NEURL1B: variants seen among roughly 807,000 people sequenced by gnomAD.
NEURL1B encodes neuralized E3 ubiquitin protein ligase 1B.
A neutral mutation model predicts 37.4 loss-of-function variants in NEURL1B; 13 were observed. The ratio of observed to expected loss-of-function variants is 0.35; its 90% CI spans 0.23 to 0.55. NEURL1B has a LOEUF of 0.55. Among genes scored for constraint, NEURL1B ranks in the 20% least tolerant of loss-of-function variants. The pLI is 0.89. For synonymous variants in NEURL1B, 432 were observed against 426.6 expected (o/e 1.01, Z -0.16); for missense variants, 790 against 879.2 (o/e 0.90, Z 1.28).
At chr5:172,660,646 C>T (rs1340718233) in intron 1 of NEURL1B, among the ~76,000 whole-genome samples, 1 of 152,092 alleles carries the variant, frequency 6.6e-6, no homozygotes, top group African/African-American at 2.4e-5. Flanking sequence ...TTTCTTTTCT[C>T]TTTATTTTTT....
rs1758230930 is a variant in NEURL1B, at chr5:172,676,224, G to A, written c.577+5894G>A. Among the ~76,000 whole-genome samples, 1 of 151,626 alleles carries A rather than the reference G, an allele frequency of 6.6e-6. No homozygotes were observed. The highest frequency in any genetic ancestry group is 6.6e-5 in the Admixed American group (1 of 15,244). ...AATTCCTGGGAATGGTTGCCTTTAA[G>A]CCTGGCTCAATGCGGGGACCCAAAG... On this transcript the variant is annotated intron_variant, in intron 2 of 4. Coordinates refer to ENST00000369800, the MANE Select transcript of NEURL1B (RefSeq NM_001142651.3). This position sits in a 1 kb window ranked among gnomAD's most constrained non-coding sequence, Gnocchi z 4.5.
chr5:172,681,345 T>C (rs1055990924), intron 2 of NEURL1B, among the ~76,000 whole-genome samples: 3 of 152,218 alleles, frequency 2.0e-5, no homozygotes, highest in African/African-American at 7.2e-5. Context: ...ATATTTTGTC[T>C]CTCCATCACT....
At chr5:172,659,862 A>G (rs1380261107) in intron 1 of NEURL1B, among the ~76,000 whole-genome samples, 3 of 151,820 alleles carry the variant, frequency 2.0e-5, no homozygotes, top group African/African-American at 7.3e-5. Context: ...ATCCTTTGTC[A>G]TCCTCCCAGC....
rs576458350 is a variant in NEURL1B at position 172,663,042 on chromosome 5, C to A, written c.32-6743C>A. Among the ~76,000 whole-genome samples the A allele has an allele frequency of 7.0e-4, 65 of 93,428 alleles. No individual in the cohort carries two copies. In the South Asian group the frequency reaches 0.016, roughly 23 times the overall value. The allele number at this position is 93,428 out of a possible 152,430, so 61.3% of individuals were successfully genotyped here. A position where few individuals can be genotyped will look rare whatever the true frequency, so the allele number is the denominator to read the frequency against. ...AGGAGTTCGAGACCAGCCCCAGCAA[C>A]CCTGACTCTACAAATAATAATAATA... On this transcript the variant is annotated intron_variant, in intron 1 of 4. Transcript: ENST00000369800.
chr5:172,646,996 G>A (rs1392122084), intron 1 of NEURL1B, among the ~76,000 whole-genome samples: 1 of 152,164 alleles, frequency 6.6e-6, no homozygotes, highest in Admixed American at 6.5e-5. Context: ...GCTGCAGTCA[G>A]GAGGCTTGGA....
rs1758566786 is a variant in NEURL1B, at chr5:172,688,843, G to A, written c.*1918G>A. 1 of 152,376 alleles carries A rather than the reference G, an allele frequency of 6.6e-6. No homozygotes were observed. The highest frequency in any genetic ancestry group is 3.4e-3 in the Middle Eastern group (1 of 294). The allele number at this position is 152,376 out of a possible 1,614,324, so 9.4% of individuals were successfully genotyped here. On this transcript the variant is annotated 3_prime_UTR_variant, in exon 5 of 5. Transcript: ENST00000369800. The surrounding 1 kb of genome is among the most constrained non-coding windows in gnomAD (Gnocchi z 4.3). ...TTTCCTGCATGTGCTGGGTGTGGGC[G>A]GGGCCACGCACAGGCCCTGCATGGG...
At chr5:172,655,541 C>G (rs1757756907) in intron 1 of NEURL1B, among the ~76,000 whole-genome samples, 2 of 152,128 alleles carry the variant, frequency 1.3e-5, no homozygotes, top group Non-Finnish European at 2.9e-5. Flanking sequence ...AGCAGTAGGA[C>G]TTGTACCATC....
chr5:172,683,465 C>T lies in NEURL1B; in HGVS notation c.624C>T (p.Ala208=), dbSNP rs1352965144. 1 of 1,475,334 alleles carries T rather than the reference C, an allele frequency of 6.8e-7. No individual in the cohort carries two copies. 91.4% of individuals were successfully genotyped at this position (1,475,334 alleles called of 1,614,324 possible). The change falls in exon 3 of 5, where the codon GCC becomes GCT. Residue 208 remains alanine, a synonymous_variant. Coordinates refer to ENST00000369800, the MANE Select transcript of NEURL1B (RefSeq NM_001142651.3). The surrounding 1 kb of genome is among the most constrained non-coding windows in gnomAD (Gnocchi z 5.6). ...DTLTPARLSQ[A]RFSACLPPSS... ...TGACGCCCGCGCGCCTCAGCCAGGC[C>T]CGCTTCAGCGCCTGCCTGCCGCCCA...
intron 1 of NEURL1B, among the ~76,000 whole-genome samples, chr5:172,649,345 CTTTTTTTTTTTTTTTTTT>C (rs70984904): frequency 1.7e-3 from 109 of 65,232 alleles, no homozygotes; most frequent in South Asian, 3.7e-3. Context: ...CCCTTCACTT[CTTTTTTTTTTTTTTTTTT>C]TTTTTTTTTT....
chr5:172,644,515 G>A (rs1244226413), intron 1 of NEURL1B, among the ~76,000 whole-genome samples: 4 of 152,186 alleles, frequency 2.6e-5, no homozygotes, highest in African/African-American at 9.7e-5. Flanking sequence ...GATCGATTGC[G>A]GAAGCCTCTT....
intron 1 of NEURL1B, among the ~76,000 whole-genome samples, chr5:172,660,331 G>A (rs1274880750): frequency 3.3e-5 from 5 of 152,192 alleles, no homozygotes; most frequent in Non-Finnish European, 5.9e-5. Context: ...GGGAACTCTC[G>A]CATCAGAGCC....
Position 172,683,966 on chromosome 5 carries a change from G to A in NEURL1B, c.1125G>A (p.Gly375=), listed in dbSNP as rs1472526374. The A allele has an allele frequency of 7.5e-6, 10 of 1,324,902 alleles. No homozygotes were observed. Among genetic ancestry groups the A allele is most frequent in the East Asian group, 3.4e-5 (1 of 29,512 alleles). The allele number at this position is 1,324,902 out of a possible 1,614,324, so 82.1% of individuals were successfully genotyped here. A position where few individuals can be genotyped will look rare whatever the true frequency, so the allele number is the denominator to read the frequency against. The change falls in exon 3 of 5, where the codon GGG becomes GGA. Residue 375 remains glycine (G), a synonymous_variant. Coordinates refer to ENST00000369800, the MANE Select transcript of NEURL1B (RefSeq NM_001142651.3). The surrounding 1 kb of genome is among the most constrained non-coding windows in gnomAD (Gnocchi z 5.6). ...AGTACTGGGTGGTGGCGCGCGCCGG[G>A]CCCGTGCCGAGCGGCGGCGACGCGC... is the stretch of plus-strand genomic sequence containing the variant. ...RKEYWVVARA[G]PVPSGGDALS...
intron 2 of NEURL1B, among the ~76,000 whole-genome samples, chr5:172,681,418 C>A (rs1758350154): frequency 6.6e-6 from 1 of 152,158 alleles, no homozygotes; most frequent in African/African-American, 2.4e-5. Flanking sequence ...CACATATGTA[C>A]TTTTTTAAAG....
intron 1 of NEURL1B, among the ~76,000 whole-genome samples, chr5:172,644,470 A>G (rs1403634371): frequency 6.6e-6 from 1 of 152,226 alleles, no homozygotes; most frequent in Non-Finnish European, 1.5e-5. Context: ...ACACTATACA[A>G]TAAGGAAATG....
In NEURL1B at chr5:172,665,456, C is replaced by A. The variant is rs975731002; in HGVS notation, c.32-4329C>A. 9.2e-5 allele frequency among the ~76,000 whole-genome samples: 14 copies of A among 152,356 alleles called. No homozygotes were observed. Among genetic ancestry groups the A allele is most frequent in the South Asian group, 4.1e-4 (2 of 4,834 alleles). On this transcript the variant is annotated intron_variant, in intron 1 of 4. Coordinates refer to ENST00000369800, the MANE Select transcript of NEURL1B (RefSeq NM_001142651.3). The surrounding 1 kb of genome is among the most constrained non-coding windows in gnomAD (Gnocchi z 4.1). ...GACTCTGCGTCCACCCTCCTTGCTG[C>A]CCTGGAGGCCCCTCCCTGACAGGCA...
At chr5:172,662,406 G>A (rs1757919369) in intron 1 of NEURL1B, 1 of 152,784 alleles carries the variant, frequency 6.5e-6, no homozygotes. Context: ...GAAATAAAAA[G>A]CATGAAAGAG....
In NEURL1B at chr5:172,691,299, C is replaced by G. The variant is rs1452708399; in HGVS notation, c.*4374C>G. On this transcript the variant is annotated 3_prime_UTR_variant, in exon 5 of 5. Coordinates refer to ENST00000369800, the MANE Select transcript of NEURL1B (RefSeq NM_001142651.3). ...CCACACACCACTACCTGTGTACAGA[C>G]CTTTTAAAACATGTCTTCTTTTTCT... 6.6e-6 allele frequency: 1 copy of G among 152,098 alleles called. No individual in the cohort carries two copies. The highest frequency in any genetic ancestry group is 1.5e-5 in the Non-Finnish European group (1 of 68,022). 9.4% of individuals were successfully genotyped at this position (152,098 alleles called of 1,614,324 possible).
rs575354943 is a variant in NEURL1B at position 172,688,559 on chromosome 5, T to G, written c.*1634T>G. 1 of 152,376 alleles carries G rather than the reference T, an allele frequency of 6.6e-6. No individual in the cohort carries two copies. The highest frequency in any genetic ancestry group is 2.1e-4 in the South Asian group (1 of 4,824). The allele number at this position is 152,376 out of a possible 1,614,324, so 9.4% of individuals were successfully genotyped here. A position where few individuals can be genotyped will look rare whatever the true frequency, so the allele number is the denominator to read the frequency against. On this transcript the variant is annotated 3_prime_UTR_variant, in exon 5 of 5. Transcript: ENST00000369800. The surrounding 1 kb of genome is among the most constrained non-coding windows in gnomAD (Gnocchi z 4.3). ...AGCCCCACAGACCAGCTGGTGCCCA[T>G]GCGCTGCTGGTGGTTTGGGGCCTCC...
chr5:172,672,024 A>G (rs1355842985), intron 2 of NEURL1B, among the ~76,000 whole-genome samples: 1 of 152,232 alleles, frequency 6.6e-6, no homozygotes, highest in African/African-American at 2.4e-5. Flanking sequence ...ACAAGATAGC[A>G]CCCACCTCAT....
Sources: gnomAD v4.1 joint callset for allele counts (sites outside exome capture counted in the v4.1 genomes callset) on GRCh38, gnomAD v4.1.1 for gene constraint, Gnocchi (gnomAD v3.1) non-coding constraint, MANE v1.5 for transcripts, NCBI Gene and HGNC (gene_info 2026-07-23, HGNC 2026-07-21) for gene names.